The following GRM1 variants were observed in gnomAD, a reference collection of about 807,000 sequenced individuals.
GRM1 encodes the protein glutamate metabotropic receptor 1, also known as metabotropic glutamate receptor 1.
Under a neutral mutation model 90.9 loss-of-function variants are expected in GRM1, and 33 were observed. The observed-to-expected ratio is 0.36, with a 90% CI of 0.28 to 0.49. The LOEUF is 0.49. Among genes scored for constraint, GRM1 ranks in the 20% least tolerant of loss-of-function variants. The probability of loss-of-function intolerance (pLI) is 0.99; values close to 1 mark genes in which losing one functional copy is unlikely to be tolerated. For missense variants in GRM1, 1,190 were observed against 1,534.3 expected (o/e 0.78, Z 3.75); for synonymous variants, 700 against 613.2 (o/e 1.14, Z -2.09).
At chr6:146,249,838 G>T (rs1178750736) in intron 2 of GRM1, among the ~76,000 whole-genome samples, 2 of 152,174 alleles carry the variant, frequency 1.3e-5, no homozygotes, top group Admixed American at 1.3e-4. Flanking sequence ...GCAGCCAGGG[G>T]GTGGGTTGAG....
intron 2 of GRM1, among the ~76,000 whole-genome samples, chr6:146,295,738 TA>T (rs1389553171): frequency 2.0e-5 from 3 of 152,198 alleles, no homozygotes; most frequent in Admixed American, 6.5e-5. Context: ...TTTTCTTTTT[TA>T]AAAAACTTTA....
intron 5 of GRM1, among the ~76,000 whole-genome samples, chr6:146,371,933 A>G (rs755513846): frequency 2.0e-5 from 3 of 152,146 alleles, no homozygotes; most frequent in Non-Finnish European, 2.9e-5. Context: ...ATAGGAGTGC[A>G]GATATCTCTT....
chr6:146,081,650 C>T (rs926367080), intron 1 of GRM1, among the ~76,000 whole-genome samples: 2 of 152,074 alleles, frequency 1.3e-5, no homozygotes, highest in African/African-American at 4.8e-5. Flanking sequence ...CTGATTTTAC[C>T]TGGAAGCACT....
chr6:146,030,227 A>G lies in GRM1; in HGVS notation c.700+10A>G. 6.3e-7 allele frequency: 1 copy of G among 1,580,764 alleles called. No homozygotes were observed. The highest frequency in any genetic ancestry group is 2.2e-5 in the East Asian group (1 of 44,732). ...GCAGTCCACACGGAAGGTAGGCATT[A>G]TATTTGGGAAAGAAGGGTACTGAGA... On this transcript the variant is annotated intron_variant, in intron 1 of 7. Coordinates refer to ENST00000282753, the MANE Select transcript of GRM1 (RefSeq NM_001278064.2).
intron 1 of GRM1, among the ~76,000 whole-genome samples, chr6:146,090,033 T>C (rs1776666657): frequency 6.6e-6 from 1 of 152,150 alleles, no homozygotes; most frequent in African/African-American, 2.4e-5. Flanking sequence ...GCAGATTTTT[T>C]ATTCAAATCT....
At chr6:146,223,990 T>C (rs1780156043) in intron 2 of GRM1, among the ~76,000 whole-genome samples, 1 of 152,086 alleles carries the variant, frequency 6.6e-6, no homozygotes, top group Admixed American at 6.6e-5. Flanking sequence ...GATCCATTTT[T>C]AAGGGTGGAA....
At chr6:146,088,691 A>C in intron 1 of GRM1, among the ~76,000 whole-genome samples, 1 of 152,108 alleles carries the variant, frequency 6.6e-6, no homozygotes, top group East Asian at 1.9e-4. Flanking sequence ...AGAAATTACT[A>C]ATCAAGATGC....
At chr6:146,212,547 A>T (rs775934271) in intron 2 of GRM1, among the ~76,000 whole-genome samples, 4 of 152,230 alleles carry the variant, frequency 2.6e-5, no homozygotes, top group Non-Finnish European at 5.9e-5. Flanking sequence ...TTTGGAGGAC[A>T]TGGGATTATC....
intron 2 of GRM1, among the ~76,000 whole-genome samples, chr6:146,301,719 G>A (rs1338521833): frequency 6.6e-6 from 1 of 151,868 alleles, no homozygotes; most frequent in Non-Finnish European, 1.5e-5. Flanking sequence ...ATCCTCCTTT[G>A]TGTCATGAAC....
intron 1 of GRM1, among the ~76,000 whole-genome samples, chr6:146,123,642 C>A (rs1468287138): frequency 6.6e-6 from 1 of 152,208 alleles, no homozygotes; most frequent in Non-Finnish European, 1.5e-5. Flanking sequence ...CCAGTCCCTG[C>A]TGTCTTTGAT....
chr6:146,248,265 G>A (rs1490409086), intron 2 of GRM1, among the ~76,000 whole-genome samples: 1 of 152,160 alleles, frequency 6.6e-6, no homozygotes, highest in East Asian at 1.9e-4. Context: ...AAAGATACAA[G>A]AAAAGCTGTA....
At chr6:146,138,706 A>T (rs961709829) in intron 1 of GRM1, among the ~76,000 whole-genome samples, 5 of 151,546 alleles carry the variant, frequency 3.3e-5, no homozygotes, top group African/African-American at 1.2e-4. Context: ...CTAATCTCTG[A>T]TTTTATTTGA....
At chr6:146,168,764 A>T (rs1290864763) in intron 2 of GRM1, among the ~76,000 whole-genome samples, 2 of 152,054 alleles carry the variant, frequency 1.3e-5, no homozygotes, top group African/African-American at 2.4e-5. Context: ...AATACTCTAG[A>T]GATATTACTT....
chr6:146,099,956 A>T (rs1776997349), intron 1 of GRM1, among the ~76,000 whole-genome samples: 1 of 152,242 alleles, frequency 6.6e-6, no homozygotes, highest in Non-Finnish European at 1.5e-5. Context: ...CTGTTTCCAG[A>T]GTGCATGTAT....
chr6:146,119,738 A>G (rs1047322547), intron 1 of GRM1, among the ~76,000 whole-genome samples: 4 of 152,122 alleles, frequency 2.6e-5, no homozygotes, highest in African/African-American at 9.7e-5. Flanking sequence ...TTTGTCAAAG[A>G]CCAGATGGTT....
intron 3 of GRM1, among the ~76,000 whole-genome samples, chr6:146,314,363 A>G (rs1783890048): frequency 6.6e-6 from 1 of 151,950 alleles, no homozygotes; most frequent in Admixed American, 6.6e-5. Context: ...CTTAACTCCT[A>G]TTAATTGAAG....
chr6:146,033,924 C>A (rs912351965), intron 1 of GRM1, among the ~76,000 whole-genome samples: 22 of 151,916 alleles, frequency 1.4e-4, no homozygotes, highest in African/African-American at 4.3e-4. Context: ...ATCTATGTAC[C>A]AGTAACTTTC....
intron 5 of GRM1, among the ~76,000 whole-genome samples, chr6:146,370,813 C>A (rs1775869416): frequency 6.6e-6 from 1 of 152,038 alleles, no homozygotes; most frequent in African/African-American, 2.4e-5. Context: ...GCAAAATGTA[C>A]ACAATTAACT....
chr6:146,335,678 AT>A (rs1304452130), intron 3 of GRM1, among the ~76,000 whole-genome samples: 1 of 152,086 alleles, frequency 6.6e-6, no homozygotes, highest in Non-Finnish European at 1.5e-5. Flanking sequence ...CAAAATGGTA[AT>A]TTTTTTAATG....
Sources: allele counts gnomAD v4.1 joint callset (sites outside exome capture counted in the v4.1 genomes callset), GRCh38; gene constraint gnomAD v4.1.1; transcripts MANE v1.5; gene names NCBI Gene and HGNC (gene_info 2026-07-23, HGNC 2026-07-21).